SEMA3D: variants seen among roughly 807,000 people sequenced by gnomAD.
SEMA3D encodes the protein semaphorin 3D.
A neutral mutation model predicts 100.1 loss-of-function variants in SEMA3D; 84 were observed. The observed-to-expected ratio is 0.84, with a 90% confidence interval of 0.70 to 1.01. The LOEUF is 1.01. Among genes scored for constraint, SEMA3D ranks in the 50% least tolerant of loss-of-function variants. SEMA3D has a pLI of 0.00. For missense variants in SEMA3D, 875 were observed against 934.1 expected (o/e 0.94, Z 0.82); for synonymous variants, 312 against 320.7 (o/e 0.97, Z 0.29).
At chr7:85,250,081 C>G in the SEMA3D span, among the ~76,000 whole-genome samples, 1 of 152,136 alleles carries the variant, frequency 6.6e-6, no homozygotes, top group Admixed American at 6.5e-5. Flanking sequence ...AGGGAGTTCC[C>G]TTTCCTAGTC....
chr7:85,241,930 A>ATG, the SEMA3D span, among the ~76,000 whole-genome samples: 2 of 152,046 alleles, frequency 1.3e-5, no homozygotes, highest in African/African-American at 4.8e-5. Flanking sequence ...GCCTGCCAGG[A>ATG]TGTGGAGAAA....
At chr7:85,153,004 C>A (rs1467281228) in intron 2 of SEMA3D, among the ~76,000 whole-genome samples, 1 of 152,076 alleles carries the variant, frequency 6.6e-6, no homozygotes, top group East Asian at 1.9e-4. Flanking sequence ...TGATTCCTAA[C>A]CTAATGGCAA....
intron 2 of SEMA3D, among the ~76,000 whole-genome samples, chr7:85,152,630 A>T (rs1281862575): frequency 4.6e-5 from 7 of 152,176 alleles, no homozygotes; most frequent in African/African-American, 1.4e-4. Flanking sequence ...ATAATAGAGC[A>T]TTGCCAAGAT....
At chr7:85,186,510 C>T (rs1791557104) in intron 1 of SEMA3D, among the ~76,000 whole-genome samples, 168 bp downstream of exon 1, 1 of 152,120 alleles carries the variant, frequency 6.6e-6, no homozygotes, top group African/African-American at 2.4e-5. Flanking sequence ...ACTCTCTGTC[C>T]GCTCCCGGGA....
chr7:85,200,334 G>A, the SEMA3D span, among the ~76,000 whole-genome samples: 687 of 152,266 alleles, frequency 4.5e-3, 5 homozygotes, highest in African/African-American at 0.016. Context: ...TTAGGGATAT[G>A]GACAATAAAG....
In SEMA3D at chr7:85,059,878, T is replaced by C. The variant is rs73703757; in HGVS notation, c.719-4019A>G. Among the ~76,000 whole-genome samples, 1,158 of 152,212 alleles carry C rather than the reference T, an allele frequency of 7.6e-3. 16 individuals are homozygous for C. Among genetic ancestry groups the C allele is most frequent in the African/African-American group, 0.026 (1,092 of 41,540 alleles). ...GCAATTCATTGTCATAATGCAGAAA[T>C]GCATAGGAAAACCCACTTCAGATAT... On this transcript the variant is annotated intron_variant, in intron 8 of 18. Coordinates refer to ENST00000284136, the MANE Select transcript of SEMA3D (RefSeq NM_001384900.1).
intron 4 of SEMA3D, among the ~76,000 whole-genome samples, chr7:85,091,931 A>C: frequency 6.6e-6 from 1 of 152,068 alleles, no homozygotes; most frequent in East Asian, 1.9e-4. Flanking sequence ...CAGCTCCCTT[A>C]ATTTAAACTA....
At chr7:85,091,143 A>G (rs1388323523) in intron 4 of SEMA3D, among the ~76,000 whole-genome samples, 5 of 143,102 alleles carry the variant, frequency 3.5e-5, no homozygotes. Context: ...GGAAGGAAGG[A>G]AGGAAGGAGG....
intron 7 of SEMA3D, among the ~76,000 whole-genome samples, 183 bp from the exon 8 acceptor site, chr7:85,065,735 T>G (rs1004054185): frequency 6.6e-6 from 1 of 152,340 alleles, no homozygotes; most frequent in East Asian, 1.9e-4. Context: ...CTCAATTTAC[T>G]TTGGTAAGCT....
chr7:85,098,748 A>C (rs1788650238), intron 3 of SEMA3D, among the ~76,000 whole-genome samples: 1 of 151,950 alleles, frequency 6.6e-6, no homozygotes, highest in African/African-American at 2.4e-5. Flanking sequence ...ATTTCAACAA[A>C]GGAATGATGA....
Position 85,094,335 on chromosome 7 carries a change from C to T in SEMA3D, c.312+3470G>A, listed in dbSNP as rs2269994. Reference sequence around the variant, plus strand: ...TACATTCAGACTTTTAATTTTGTGACGATAACTCTTACCGTTGTGGTGAAC... The same window carrying T: ...TACATTCAGACTTTTAATTTTGTGATGATAACTCTTACCGTTGTGGTGAAC... On this transcript the variant is annotated intron_variant, in intron 4 of 18. Coordinates refer to ENST00000284136, the MANE Select transcript of SEMA3D (RefSeq NM_001384900.1). Among the ~76,000 whole-genome samples, 1,431 of 152,006 alleles carry T rather than the reference C, an allele frequency of 9.4e-3. 72 individuals are homozygous for T. Among genetic ancestry groups the T allele is most frequent in the Admixed American group, 0.069 (1,048 of 15,242 alleles).
At chr7:85,131,046 C>T (rs549583685) in intron 2 of SEMA3D, among the ~76,000 whole-genome samples, 2 of 152,078 alleles carry the variant, frequency 1.3e-5, no homozygotes, top group Non-Finnish European at 2.9e-5. Context: ...GCCCAGTACA[C>T]AGTAAGTGAT....
intron 4 of SEMA3D, 54 bp from the exon 5 acceptor site, chr7:85,081,633 C>T (rs535350320): frequency 1.5e-5 from 17 of 1,153,332 alleles, no homozygotes; most frequent in Non-Finnish European, 1.8e-5. Context: ...CACCCTAACA[C>T]TCTGCAATTC....
rs555735729 is a variant in SEMA3D at position 85,135,959 on chromosome 7, T to C, written c.-40-14028A>G. Among the ~76,000 whole-genome samples, 9 of 152,142 alleles carry C rather than the reference T, an allele frequency of 5.9e-5. No homozygotes were observed. The South Asian group carries it at 1.7e-3, about 28-fold the overall frequency. On this transcript the variant is annotated intron_variant, in intron 2 of 18. Transcript: ENST00000284136. ...AACTATCCATTAAGCATTTATCCTG[T>C]CTATACAATTCCCACATTTATAGAA...
chr7:85,021,926 G>A (rs1464694480), intron 13 of SEMA3D, among the ~76,000 whole-genome samples: 1 of 151,692 alleles, frequency 6.6e-6, no homozygotes, highest in Non-Finnish European at 1.5e-5. Flanking sequence ...AATTCAAGAA[G>A]AAAGATAATC....
At chr7:85,231,745 A>C in the SEMA3D span, among the ~76,000 whole-genome samples, 6 of 152,070 alleles carry the variant, frequency 3.9e-5, no homozygotes, top group Admixed American at 1.3e-4. Context: ...CCACTGCGCC[A>C]GGCCTGGGGT....
chr7:85,245,058 C>A, the SEMA3D span, among the ~76,000 whole-genome samples: 2 of 152,106 alleles, frequency 1.3e-5, no homozygotes, highest in African/African-American at 2.4e-5. Context: ...CAAGTCCTTT[C>A]TTTTTGAGGG....
At chr7:85,156,994 G>T (rs1451448842) in intron 1 of SEMA3D, among the ~76,000 whole-genome samples, 1 of 152,132 alleles carries the variant, frequency 6.6e-6, no homozygotes, top group Non-Finnish European at 1.5e-5. Flanking sequence ...TTGCATAATG[G>T]TTTACTCTAC....
At chr7:85,213,559 A>T in the SEMA3D span, among the ~76,000 whole-genome samples, 5 of 151,798 alleles carry the variant, frequency 3.3e-5, no homozygotes, top group Non-Finnish European at 7.4e-5. Flanking sequence ...CCAGGGAATG[A>T]TTTTCTAATT....
Sources: allele counts gnomAD v4.1 joint callset (sites outside exome capture counted in the v4.1 genomes callset), GRCh38; gene constraint gnomAD v4.1.1; transcripts MANE v1.5; gene names NCBI Gene and HGNC (gene_info 2026-07-23, HGNC 2026-07-21).